The following PITPNM3 variants were observed in gnomAD, a reference collection of about 807,000 sequenced individuals.
PITPNM3 encodes membrane-associated phosphatidylinositol transfer protein 3.
Under a neutral mutation model 102.0 loss-of-function variants are expected in PITPNM3, and 26 were observed. The ratio of observed to expected loss-of-function variants is 0.25; its 90% CI spans 0.19 to 0.35. PITPNM3 has a LOEUF of 0.35. Among genes scored for constraint, PITPNM3 ranks in the 10% least tolerant of loss-of-function variants. PITPNM3 has a pLI of 1.00. For missense variants in PITPNM3, 1,083 were observed against 1,346.1 expected (o/e 0.80, Z 3.06); for synonymous variants, 578 against 558.6 (o/e 1.03, Z -0.49).
chr17:6,529,275 T>C (rs978064298), intron 2 of PITPNM3, among the ~76,000 whole-genome samples: 2 of 152,158 alleles, frequency 1.3e-5, no homozygotes, highest in Non-Finnish European at 2.9e-5. Flanking sequence ...CTGTTTCTAC[T>C]GTTGACAGGA....
At chr17:6,518,411 T>C (rs1327393232) in intron 3 of PITPNM3, among the ~76,000 whole-genome samples, 1 of 151,666 alleles carries the variant, frequency 6.6e-6, no homozygotes, top group Non-Finnish European at 1.5e-5. Context: ...AAAAGCTTAC[T>C]TTTATAAATT....
intron 4 of PITPNM3, among the ~76,000 whole-genome samples, chr17:6,501,615 C>G (rs1357127520): frequency 6.6e-6 from 1 of 152,140 alleles, no homozygotes; most frequent in African/African-American, 2.4e-5. Flanking sequence ...AAAAAACCAA[C>G]AAGGGCTCTG....
intron 1 of PITPNM3, among the ~76,000 whole-genome samples, chr17:6,554,245 A>G (rs165099): frequency 0.59 from 88,532 of 148,986 alleles, 27,626 homozygotes; most frequent in African/African-American, 0.79. Flanking sequence ...GCCTCAGCCC[A>G]GGAGGCGGAG....
At chr17:6,455,856 G>T (rs373839467) in intron 19 of PITPNM3, among the ~76,000 whole-genome samples, 1 of 150,792 alleles carries the variant, frequency 6.6e-6, no homozygotes, top group Admixed American at 6.6e-5. Flanking sequence ...ATCATTTCCC[G>T]GGAACACTCT....
At position 6,455,569 on chromosome 17, in the gene PITPNM3, G is replaced by A. The variant is rs766137858; in HGVS notation, c.2694C>T (p.Asn898=). 55 of 1,600,970 alleles carry A rather than the reference G, an allele frequency of 3.4e-5. No homozygotes were observed. Among genetic ancestry groups the A allele is most frequent in the Non-Finnish European group, 4.3e-5 (51 of 1,179,110 alleles). ...ASHRSRPKKN[N]SRMILRKGSF... The stretch of plus-strand genomic sequence containing the variant: ...TGCCCTTGCGCAGGATCATGCGCGA[G>A]TTGTTCTTCTTTGGGCGTGAGCGGT... Residue 898 remains asparagine, a synonymous_variant, in exon 20 of 20, where the codon AAC becomes AAT. Coordinates refer to ENST00000262483, the MANE Select transcript of PITPNM3 (RefSeq NM_031220.4).
chr17:6,547,743 C>G (rs575936189), intron 1 of PITPNM3, among the ~76,000 whole-genome samples: 1 of 146,062 alleles, frequency 6.8e-6, no homozygotes, highest in Non-Finnish European at 1.5e-5. Flanking sequence ...CTTTTCTTTT[C>G]TTTTTTTTTT....
chr17:6,532,153 G>T (rs908515624), intron 2 of PITPNM3, among the ~76,000 whole-genome samples: 2 of 150,708 alleles, frequency 1.3e-5, no homozygotes, highest in Non-Finnish European at 2.9e-5. Flanking sequence ...TCAACACTTT[G>T]CGCTGGCTGT....
intron 2 of PITPNM3, among the ~76,000 whole-genome samples, chr17:6,527,549 G>A (rs763598384): frequency 1.3e-5 from 2 of 152,162 alleles, no homozygotes; most frequent in Non-Finnish European, 2.9e-5. Context: ...TTCCACTCCT[G>A]CTGTTGTTGG....
At chr17:6,519,407 C>G (rs372358858) in intron 3 of PITPNM3, among the ~76,000 whole-genome samples, 5 of 148,476 alleles carry the variant, frequency 3.4e-5, no homozygotes, top group East Asian at 2.0e-4. Context: ...GTAGTCCCAG[C>G]TACTGGGGGA....
At chr17:6,549,512 CCCT>C (rs1176234979) in intron 1 of PITPNM3, among the ~76,000 whole-genome samples, 1 of 152,182 alleles carries the variant, frequency 6.6e-6, no homozygotes, top group Non-Finnish European at 1.5e-5. Flanking sequence ...GGCTTCTGCC[CCCT>C]GTCTACCCTT....
intron 3 of PITPNM3, among the ~76,000 whole-genome samples, chr17:6,508,214 C>T (rs879805925): frequency 2.0e-5 from 3 of 152,166 alleles, no homozygotes; most frequent in Non-Finnish European, 2.9e-5. Context: ...GAAAGGAGGT[C>T]GGGACCAAGC....
At chr17:6,523,711 A>T (rs1187878171) in intron 3 of PITPNM3, among the ~76,000 whole-genome samples, 1 of 152,226 alleles carries the variant, frequency 6.6e-6, no homozygotes, top group Non-Finnish European at 1.5e-5. Flanking sequence ...GGTTCTTGGG[A>T]TGAAGGAAAG....
At chr17:6,497,769 C>T (rs1906924803) in intron 4 of PITPNM3, among the ~76,000 whole-genome samples, 2 of 152,206 alleles carry the variant, frequency 1.3e-5, no homozygotes, top group Admixed American at 1.3e-4. Context: ...CTGTTGTCAT[C>T]CACACAGGCA....
At chr17:6,518,661 C>A (rs1294317009) in intron 3 of PITPNM3, among the ~76,000 whole-genome samples, 1 of 152,028 alleles carries the variant, frequency 6.6e-6, no homozygotes, top group Non-Finnish European at 1.5e-5. Context: ...GACAATAGAA[C>A]TGATTAATAA....
intron 1 of PITPNM3, 72 bp from the exon 2 acceptor site, chr17:6,538,154 C>T: frequency 8.7e-7 from 1 of 1,155,036 alleles, no homozygotes. Context: ...ACCCAAGACC[C>T]CCCTGGACTA....
chr17:6,538,811 A>T (rs165104), intron 1 of PITPNM3, among the ~76,000 whole-genome samples: 109,985 of 152,070 alleles, frequency 0.72, 40,430 homozygotes, highest in African/African-American at 0.85. Flanking sequence ...ACAGTAACTG[A>T]CAATAAACAA....
chr17:6,496,622 C>T (rs1475205418), intron 4 of PITPNM3, among the ~76,000 whole-genome samples: 4 of 152,158 alleles, frequency 2.6e-5, no homozygotes, highest in African/African-American at 7.2e-5. Context: ...TCCCCTCCTC[C>T]GTCTCCCAGA....
intron 1 of PITPNM3, among the ~76,000 whole-genome samples, chr17:6,544,117 G>A (rs938404614): frequency 2.6e-5 from 4 of 152,352 alleles, no homozygotes; most frequent in African/African-American, 9.6e-5. Flanking sequence ...CATTGGGCTG[G>A]CACCTGCACC....
At chr17:6,490,655 T>C (rs1385348048) in intron 4 of PITPNM3, among the ~76,000 whole-genome samples, 1 of 151,816 alleles carries the variant, frequency 6.6e-6, no homozygotes, top group African/African-American at 2.4e-5. Flanking sequence ...TTGAGGACCC[T>C]TAGAAAAGGA....
Sources: gnomAD v4.1 joint callset for allele counts (sites outside exome capture counted in the v4.1 genomes callset) on GRCh38, gnomAD v4.1.1 for gene constraint, MANE v1.5 for transcripts, NCBI Gene and HGNC (gene_info 2026-07-23, HGNC 2026-07-21) for gene names.